Variants in CSMD1 observed in about 807,000 individuals in gnomAD.
CSMD1 encodes the protein CUB and Sushi multiple domains 1.
A neutral mutation model predicts 417.5 loss-of-function variants in CSMD1; 213 were observed. That is an observed-to-expected ratio of 0.51 (90% CI 0.46 to 0.57). The LOEUF (loss-of-function observed/expected upper bound fraction) is 0.57, where lower values mean the gene tolerates loss of function less well. Among genes scored for constraint, CSMD1 ranks in the 20% least tolerant of loss-of-function variants. The pLI is 0.00. For synonymous variants in CSMD1, 2,862 were observed against 1,736.8 expected, an observed-to-expected ratio of 1.65 and a Z score of -16.11; for missense variants, 6,923 against 4,529.7, an observed-to-expected ratio of 1.53 and a Z score of -15.17.
chr8:4,566,031 G>A (rs182922484), intron 2 of CSMD1, among the ~76,000 whole-genome samples: 50 of 151,602 alleles, frequency 3.3e-4, no homozygotes, highest in Admixed American at 1.8e-3. Context: ...TAACTTTAGC[G>A]AAACCTCTTA....
chr8:3,462,431 C>G (rs181979473), intron 12 of CSMD1, among the ~76,000 whole-genome samples: 7 of 152,318 alleles, frequency 4.6e-5, no homozygotes, highest in Admixed American at 3.3e-4. Flanking sequence ...CACCTGAGCT[C>G]TGCCTCCCAG....
chr8:4,495,871 T>C (rs1455881720), intron 2 of CSMD1, among the ~76,000 whole-genome samples: 1 of 152,148 alleles, frequency 6.6e-6, no homozygotes, highest in Non-Finnish European at 1.5e-5. Context: ...TTCATTTAAT[T>C]TTTCTGTGTT....
intron 1 of CSMD1, among the ~76,000 whole-genome samples, chr8:4,898,474 C>T (rs1668779632): frequency 6.6e-6 from 1 of 152,122 alleles, no homozygotes; most frequent in South Asian, 2.1e-4. Flanking sequence ...GAGAGCCGAC[C>T]AAAATCCAAA....
intron 32 of CSMD1, 35 bp downstream of exon 32, chr8:3,201,577 G>T: frequency 8.0e-7 from 1 of 1,254,696 alleles, no homozygotes; most frequent in Non-Finnish European, 1.1e-6. Flanking sequence ...CTAGCTGTCT[G>T]AACTAAATTA....
chr8:4,045,756 C>T (rs1490181535), intron 3 of CSMD1, among the ~76,000 whole-genome samples: 1 of 152,168 alleles, frequency 6.6e-6, no homozygotes, highest in African/African-American at 2.4e-5. Flanking sequence ...AACTGTGAAA[C>T]ACAAAGACTA....
intron 1 of CSMD1, among the ~76,000 whole-genome samples, chr8:4,918,184 T>G (rs561621478): frequency 3.9e-5 from 6 of 152,210 alleles, no homozygotes; most frequent in East Asian, 1.9e-4. Flanking sequence ...GACTCCTGAG[T>G]TGAAATCATT....
chr8:4,217,774 A>G (rs1296560373), intron 3 of CSMD1, among the ~76,000 whole-genome samples: 2 of 152,134 alleles, frequency 1.3e-5, no homozygotes, highest in Non-Finnish European at 2.9e-5. Context: ...TTAGGGCAGG[A>G]TTGTTGGGCT....
At chr8:3,654,556 G>A (rs1044568212) in intron 7 of CSMD1, among the ~76,000 whole-genome samples, 2 of 152,156 alleles carry the variant, frequency 1.3e-5, no homozygotes, top group Non-Finnish European at 2.9e-5. Context: ...TGATTATACG[G>A]AGAGTTTAGG....
intron 3 of CSMD1, among the ~76,000 whole-genome samples, chr8:4,081,350 G>A (rs541475183): frequency 1.6e-4 from 25 of 152,116 alleles, no homozygotes; most frequent in African/African-American, 5.3e-4. Flanking sequence ...TAAACAACAG[G>A]GTATTGTGTG....
At chr8:4,796,483 G>A (rs190375065) in intron 1 of CSMD1, among the ~76,000 whole-genome samples, 1 of 148,474 alleles carries the variant, frequency 6.7e-6, no homozygotes, top group Admixed American at 6.7e-5. Flanking sequence ...CTTCTTGACA[G>A]TTTTACCACC....
intron 11 of CSMD1, among the ~76,000 whole-genome samples, chr8:3,475,197 T>C (rs896968496): frequency 9.2e-5 from 14 of 152,280 alleles, no homozygotes; most frequent in Middle Eastern, 3.4e-3. Flanking sequence ...ATTAGGATTT[T>C]TGCCTCTAGG....
intron 5 of CSMD1, among the ~76,000 whole-genome samples, chr8:3,912,625 C>G (rs1185848017): frequency 2.0e-5 from 3 of 152,094 alleles, no homozygotes; most frequent in African/African-American, 7.2e-5. Flanking sequence ...GTGAATTGCA[C>G]CCAGTGTTTA....
intron 1 of CSMD1, among the ~76,000 whole-genome samples, chr8:4,930,777 T>G (rs1170204879): frequency 6.6e-6 from 1 of 152,172 alleles, no homozygotes; most frequent in Non-Finnish European, 1.5e-5. Context: ...AGTACATAAA[T>G]TAAGGAAAGC....
intron 3 of CSMD1, among the ~76,000 whole-genome samples, chr8:4,054,921 T>C (rs959243393): frequency 6.6e-6 from 1 of 152,158 alleles, no homozygotes; most frequent in Non-Finnish European, 1.5e-5. Context: ...CTGGGGTTTC[T>C]CTTTTAAATC....
chr8:3,483,811 C>A (rs1385551672), intron 11 of CSMD1, among the ~76,000 whole-genome samples: 1 of 151,994 alleles, frequency 6.6e-6, no homozygotes, highest in Non-Finnish European at 1.5e-5. Flanking sequence ...GAATTTATTC[C>A]ATTTTATGAA....
At chr8:4,520,049 A>G (rs1029165865) in intron 2 of CSMD1, among the ~76,000 whole-genome samples, 2 of 151,996 alleles carry the variant, frequency 1.3e-5, no homozygotes, top group Non-Finnish European at 2.9e-5. Flanking sequence ...ATGCTTGTTT[A>G]ACACTCAACT....
rs1485508593 is a variant in CSMD1 at position 3,795,867 on chromosome 8, GATATAGAT to G, written c.819-41833_819-41826del. 4.3e-4 allele frequency among the ~76,000 whole-genome samples: 31 copies of G among 71,604 alleles called. 5 individuals carry two copies. Among genetic ancestry groups the G allele is most frequent in the South Asian group, 2.9e-3 (6 of 2,090 alleles). 47.0% of individuals were successfully genotyped at this position (71,604 alleles called of 152,430 possible). A position where few individuals can be genotyped will look rare whatever the true frequency, so the allele number is the denominator to read the frequency against. ...TATAGATATATATCTATCATGTACAGATATAGATATATATCTATCATGTACAGATATAT... is the reference window on the plus strand; with the variant it reads ...TATAGATATATATCTATCATGTACAGATATATCTATCATGTACAGATATAT... On this transcript the variant is annotated intron_variant, in intron 5 of 69. Transcript: ENST00000635120.
intron 2 of CSMD1, among the ~76,000 whole-genome samples, chr8:4,445,541 T>A (rs899040435): frequency 1.3e-5 from 2 of 152,222 alleles, no homozygotes; most frequent in African/African-American, 4.8e-5. Flanking sequence ...TTTGGGTAGC[T>A]TGTGTGATAA....
At chr8:3,942,910 T>A (rs1810979460) in intron 5 of CSMD1, among the ~76,000 whole-genome samples, 1 of 152,134 alleles carries the variant, frequency 6.6e-6, no homozygotes, top group Non-Finnish European at 1.5e-5. Flanking sequence ...GATACTTTTT[T>A]TTGTCTTTTA....
Sources: gnomAD v4.1 joint callset for allele counts (sites outside exome capture counted in the v4.1 genomes callset) on GRCh38, gnomAD v4.1.1 for gene constraint, MANE v1.5 for transcripts, NCBI Gene and HGNC (gene_info 2026-07-23, HGNC 2026-07-21) for gene names.